The following FBXL5 variants were observed in gnomAD, a reference collection of about 807,000 sequenced individuals.
FBXL5 encodes F-box/LRR-repeat protein 5.
In FBXL5, 26 loss-of-function variants were observed where a neutral mutation model predicts 78.3. The ratio of observed to expected loss-of-function variants is 0.33; its 90% CI spans 0.24 to 0.46. The LOEUF (loss-of-function observed/expected upper bound fraction) is 0.46. Ranked by LOEUF, FBXL5 falls within the 20% of genes least tolerant of loss-of-function variation. The probability of loss-of-function intolerance (pLI) is 1.00; values close to 1 mark genes in which losing one functional copy is unlikely to be tolerated. For synonymous variants in FBXL5, 295 were observed against 282.5 expected (o/e 1.04, Z -0.45); for missense variants, 710 against 829.2 (o/e 0.86, Z 1.77).
intron 1 of FBXL5, chr4:15,681,377 C>T: frequency 5.9e-6 from 1 of 170,738 alleles, no homozygotes; most frequent in South Asian, 1.5e-4. Flanking sequence ...GATTCAGCGC[C>T]ACTACCTGCT....
intron 1 of FBXL5, 26 bp from the exon 2 acceptor site, chr4:15,644,734 T>G (rs746093997): frequency 2.6e-6 from 4 of 1,540,258 alleles, no homozygotes; most frequent in Non-Finnish European, 3.6e-6. Context: ...AAAAGAAAAG[T>G]GTAATAAATA....
chr4:15,665,706 G>A (rs962674817), intron 1 of FBXL5, among the ~76,000 whole-genome samples: 5 of 151,996 alleles, frequency 3.3e-5, no homozygotes, highest in African/African-American at 9.7e-5. Flanking sequence ...CAGAAATAAC[G>A]TTTATCTGAG....
chr4:15,620,950 G>A (rs752629116), intron 9 of FBXL5, among the ~76,000 whole-genome samples: 8 of 152,122 alleles, frequency 5.3e-5, no homozygotes, highest in Non-Finnish European at 1.2e-4. Context: ...AGTTAATCTA[G>A]TATCTATAGA....
At chr4:15,680,960 CAT>C (rs887106373) in intron 1 of FBXL5, among the ~76,000 whole-genome samples, 357 of 147,592 alleles carry the variant, frequency 2.4e-3, no homozygotes, top group African/African-American at 8.3e-3. Context: ...TTTTGTTTCA[CAT>C]ATATATATAA....
chr4:15,622,820 G>T (rs964586342), intron 9 of FBXL5, among the ~76,000 whole-genome samples: 1 of 152,214 alleles, frequency 6.6e-6, no homozygotes, highest in African/African-American at 2.4e-5. Context: ...AGATAAGACA[G>T]ATCCTACGTG....
chr4:15,678,377 C>T (rs1274884896), intron 1 of FBXL5, among the ~76,000 whole-genome samples: 4 of 152,170 alleles, frequency 2.6e-5, no homozygotes, highest in Non-Finnish European at 5.9e-5. Flanking sequence ...TTGCTGTTTA[C>T]CTCAGTATTG....
intron 5 of FBXL5, among the ~76,000 whole-genome samples, chr4:15,632,844 T>C (rs1713821784): frequency 6.6e-6 from 1 of 152,176 alleles, no homozygotes; most frequent in Non-Finnish European, 1.5e-5. Context: ...AATCATGTCA[T>C]CTGCAATCAG....
upstream of FBXL5, chr4:15,655,367 G>T: frequency 2.7e-6 from 3 of 1,114,238 alleles, no homozygotes; most frequent in South Asian, 9.1e-5. Context: ...CAGAGGCGGC[G>T]CGCCCCCTTG....
chr4:15,630,752 T>C lies in FBXL5; in HGVS notation c.806A>G (p.Glu269Gly), dbSNP rs1378894246. The change falls in exon 6 of 11, where the codon GAA becomes GGA. Residue 269 changes from glutamate (E) to glycine (G), a missense_variant. Around this residue, in one of 4 missense-constraint regions of FBXL5, gnomAD observed 517 missense variants for 542.9 expected, o/e 0.95. Transcript: ENST00000341285. ...ATTTTTCACCCATTCATCATCAGGT[T>C]CAGTATCAAGTTCAGTTGCGGGACC... is the stretch of plus-strand genomic sequence containing the variant. ...YSGPATELDT[E>G]PDDEWVKNRK... 3 of 1,612,476 alleles carry C rather than the reference T, an allele frequency of 1.9e-6. No individual in the cohort carries two copies. Among genetic ancestry groups the C allele is most frequent in the Non-Finnish European group, 2.5e-6 (3 of 1,179,454 alleles).
upstream of FBXL5, among the ~76,000 whole-genome samples, chr4:15,664,692 G>A (rs1717463161): frequency 6.6e-6 from 1 of 151,378 alleles, no homozygotes; most frequent in African/African-American, 2.4e-5. Flanking sequence ...CAAGTAGCTG[G>A]GATTACAGGC....
upstream of FBXL5, among the ~76,000 whole-genome samples, chr4:15,661,352 T>G (rs939885486): frequency 6.6e-6 from 1 of 152,206 alleles, no homozygotes; most frequent in Admixed American, 6.5e-5. Context: ...AAAGGGATAG[T>G]GAGTCTCCAG....
At chr4:15,654,130 T>C (rs1247695508) in intron 1 of FBXL5, among the ~76,000 whole-genome samples, 1 of 152,236 alleles carries the variant, frequency 6.6e-6, no homozygotes, top group Non-Finnish European at 1.5e-5. Context: ...TCCAATCGCC[T>C]GGCTGAGCTA....
intron 2 of FBXL5, among the ~76,000 whole-genome samples, 154 bp downstream of exon 2, chr4:15,644,339 T>C (rs577944784): frequency 6.6e-6 from 1 of 152,356 alleles, no homozygotes; most frequent in South Asian, 2.1e-4. Context: ...GCAGTAGTTC[T>C]TTTTAAATAG....
At chr4:15,648,957 T>C (rs923287934) in intron 1 of FBXL5, among the ~76,000 whole-genome samples, 5 of 152,140 alleles carry the variant, frequency 3.3e-5, no homozygotes, top group African/African-American at 9.7e-5. Context: ...TATCAAAGCA[T>C]TGCATTGTAC....
intron 1 of FBXL5, among the ~76,000 whole-genome samples, chr4:15,680,986 C>A (rs914098283): frequency 2.2e-5 from 3 of 135,154 alleles, no homozygotes; most frequent in Non-Finnish European, 4.9e-5. Flanking sequence ...TATATCTCAA[C>A]CACAAAAAAA....
At chr4:15,605,872 G>GTTTAACTCCTTCATA in intron 10 of FBXL5, 73 bp from the exon 11 acceptor site, 1 of 1,147,954 alleles carries the variant, frequency 8.7e-7, no homozygotes, top group Non-Finnish European at 1.3e-6. Flanking sequence ...GCTTATGAAG[G>GTTTAACTCCTTCATA]AGTTAAACAT....
At chr4:15,632,670 T>C (rs917706963) in intron 5 of FBXL5, among the ~76,000 whole-genome samples, 3 of 152,198 alleles carry the variant, frequency 2.0e-5, no homozygotes, top group Admixed American at 2.0e-4. Flanking sequence ...ATTCTCTTTG[T>C]AGCAATTGTG....
intron 3 of FBXL5, among the ~76,000 whole-genome samples, chr4:15,639,099 G>A (rs1369430448): frequency 2.0e-4 from 30 of 152,378 alleles, no homozygotes; most frequent in Non-Finnish European, 1.5e-5. Flanking sequence ...GGGAGGCAGA[G>A]GTTGCGGCGA....
intron 5 of FBXL5, among the ~76,000 whole-genome samples, chr4:15,635,882 T>G (rs1714204743): frequency 1.3e-5 from 2 of 152,090 alleles, no homozygotes; most frequent in Non-Finnish European, 2.9e-5. Flanking sequence ...AAAGAAAATT[T>G]TCTTTAACTG....
Sources: gnomAD v4.1 joint callset for allele counts (sites outside exome capture counted in the v4.1 genomes callset) on GRCh38, gnomAD v4.1.1 for gene constraint, gnomAD v4.1.1 regional missense constraint, MANE v1.5 for transcripts, NCBI Gene and HGNC (gene_info 2026-07-23, HGNC 2026-07-21) for gene names.